Variants in RNF180 observed in about 807,000 individuals in gnomAD.
RNF180 encodes ring finger protein 180.
In RNF180, 38 loss-of-function variants were observed where a neutral mutation model predicts 59.2. The ratio of observed to expected loss-of-function variants is 0.64; its 90% CI spans 0.50 to 0.84. The LOEUF is 0.84. Among genes scored for constraint, RNF180 ranks in the 40% least tolerant of loss-of-function variants. The probability of loss-of-function intolerance (pLI) is 0.00; values close to 1 mark genes in which losing one functional copy is unlikely to be tolerated. For missense variants in RNF180, 705 were observed against 700.9 expected (o/e 1.01, Z -0.07); for synonymous variants, 262 against 240.3 (o/e 1.09, Z -0.84).
At chr5:64,229,586 A>ACTG (rs994773986) in intron 5 of RNF180, among the ~76,000 whole-genome samples, 1 of 152,236 alleles carries the variant, frequency 6.6e-6, no homozygotes, top group Non-Finnish European at 1.5e-5. Context: ...CTTTTGCTAA[A>ACTG]CTGCTTTTCA....
At chr5:64,266,302 G>A (rs1190667366) in intron 5 of RNF180, among the ~76,000 whole-genome samples, 1 of 152,128 alleles carries the variant, frequency 6.6e-6, no homozygotes, top group Non-Finnish European at 1.5e-5. Context: ...TTCTATGAGG[G>A]TTGCCAAGGA....
chr5:64,346,485 T>G (rs1745567529), intron 7 of RNF180, among the ~76,000 whole-genome samples: 1 of 145,390 alleles, frequency 6.9e-6, no homozygotes, highest in Admixed American at 7.1e-5. Context: ...TTCTCCTGCC[T>G]CAGGCTCCCA....
intron 5 of RNF180, among the ~76,000 whole-genome samples, chr5:64,303,262 A>G (rs1743252155): frequency 6.6e-6 from 1 of 151,502 alleles, no homozygotes; most frequent in South Asian, 2.1e-4. Context: ...AGACACAATA[A>G]TATGTAATTT....
chr5:64,215,928 T>C (rs1752597405), intron 4 of RNF180, among the ~76,000 whole-genome samples: 1 of 152,190 alleles, frequency 6.6e-6, no homozygotes, highest in Admixed American at 6.5e-5. Context: ...TGATTGATCA[T>C]TTTCCATCAT....
At chr5:64,224,103 G>GTGTGTACA (rs1289450269) in intron 5 of RNF180, among the ~76,000 whole-genome samples, 1 of 147,124 alleles carries the variant, frequency 6.8e-6, no homozygotes, top group Non-Finnish European at 1.5e-5. Flanking sequence ...GTGTGTGTGT[G>GTGTGTACA]TACATACATA....
chr5:64,276,087 A>C (rs1036398910), intron 5 of RNF180, among the ~76,000 whole-genome samples: 1 of 152,094 alleles, frequency 6.6e-6, no homozygotes, highest in African/African-American at 2.4e-5. Context: ...TTTGTCTACT[A>C]TGTGTTGAGC....
At position 64,214,179 on chromosome 5, in the gene RNF180, A is replaced by T; in HGVS notation, c.853A>T (p.Ser285Cys). The T allele has an allele frequency of 1.2e-6, 2 of 1,614,106 alleles. No homozygotes were observed. Among genetic ancestry groups the T allele is most frequent in the South Asian group, 2.2e-5 (2 of 91,078 alleles). The change falls in exon 4 of 8, where the codon AGT becomes TGT. Residue 285 changes from serine to cysteine, a missense_variant. Coordinates refer to ENST00000389100, the MANE Select transcript of RNF180 (RefSeq NM_001113561.2). ...KNSYSFQNPS[S>C]FDPSMLLQRF... ...TAGCTATTCCTTTCAGAATCCATCCAGTTTTGATCCTAGTATGCTGCTGCA... is the reference window on the plus strand; with the variant it reads ...TAGCTATTCCTTTCAGAATCCATCCTGTTTTGATCCTAGTATGCTGCTGCA...
At chr5:64,184,416 A>G (rs1326363087) in intron 1 of RNF180, among the ~76,000 whole-genome samples, 1 of 152,080 alleles carries the variant, frequency 6.6e-6, no homozygotes, top group Non-Finnish European at 1.5e-5. Flanking sequence ...GGTTTTGTCT[A>G]GATCCATTAT....
At chr5:64,240,471 T>C (rs185562209) in intron 5 of RNF180, among the ~76,000 whole-genome samples, 1 of 152,336 alleles carries the variant, frequency 6.6e-6, no homozygotes, top group East Asian at 1.9e-4. Context: ...AAATCATTAC[T>C]AAACTTTGTT....
chr5:64,263,651 C>A (rs1580138317), intron 5 of RNF180, among the ~76,000 whole-genome samples: 1 of 152,100 alleles, frequency 6.6e-6, no homozygotes, highest in Non-Finnish European at 1.5e-5. Flanking sequence ...TAATTCATGA[C>A]AAAACATCAT....
At chr5:64,192,820 C>T (rs1393226620) in intron 1 of RNF180, among the ~76,000 whole-genome samples, 1 of 149,090 alleles carries the variant, frequency 6.7e-6, no homozygotes, top group East Asian at 2.0e-4. Flanking sequence ...ATGTTCATTT[C>T]AGCATTATTC....
chr5:64,318,112 A>T (rs1456022052), intron 5 of RNF180, among the ~76,000 whole-genome samples: 1 of 152,216 alleles, frequency 6.6e-6, no homozygotes, highest in Non-Finnish European at 1.5e-5. Context: ...CATCTGTGTT[A>T]TGTGTACTGT....
At chr5:64,188,058 A>G (rs1328588823) in intron 1 of RNF180, among the ~76,000 whole-genome samples, 1 of 152,178 alleles carries the variant, frequency 6.6e-6, no homozygotes, top group Non-Finnish European at 1.5e-5. Context: ...AAGAAGATTC[A>G]ATATCAGTAG....
At position 64,273,603 on chromosome 5, in the gene RNF180, A is replaced by G. The variant is rs116697736; in HGVS notation, c.1228-51583A>G. Reference sequence around the variant, plus strand: ...GATATTTGAAAAAAGAGGTCAAGAAAGATAAAAACTGAAAAATATCTGTTG... The same window carrying G: ...GATATTTGAAAAAAGAGGTCAAGAAGGATAAAAACTGAAAAATATCTGTTG... On this transcript the variant is annotated intron_variant, in intron 5 of 7. Transcript: ENST00000389100. Among the ~76,000 whole-genome samples, 524 of 152,142 alleles carry G rather than the reference A, an allele frequency of 3.4e-3. 2 individuals are homozygous for G. The highest frequency in any genetic ancestry group is 0.011 in the African/African-American group (476 of 41,546).
chr5:64,222,491 C>T (rs1473066281), intron 5 of RNF180, among the ~76,000 whole-genome samples: 2 of 152,138 alleles, frequency 1.3e-5, no homozygotes, highest in East Asian at 1.9e-4. Context: ...CAAGAGTTCT[C>T]GCCCCATGGA....
intron 5 of RNF180, among the ~76,000 whole-genome samples, chr5:64,236,390 A>C (rs914755536): frequency 3.9e-5 from 6 of 152,244 alleles, no homozygotes; most frequent in African/African-American, 1.4e-4. Flanking sequence ...CAAAGCATTC[A>C]AGAGGTGACC....
intron 5 of RNF180, among the ~76,000 whole-genome samples, chr5:64,232,032 T>C (rs1021105121): frequency 6.6e-6 from 1 of 152,222 alleles, no homozygotes; most frequent in Non-Finnish European, 1.5e-5. Flanking sequence ...CAAAAGTCTT[T>C]GACTGCTTGA....
intron 1 of RNF180, among the ~76,000 whole-genome samples, chr5:64,177,914 G>A (rs1274105204): frequency 6.6e-6 from 1 of 152,000 alleles, no homozygotes; most frequent in Non-Finnish European, 1.5e-5. Flanking sequence ...ATGTAGAAAA[G>A]GCTGCCTGGG....
chr5:64,301,397 A>G (rs1743153642), intron 5 of RNF180, among the ~76,000 whole-genome samples: 1 of 151,712 alleles, frequency 6.6e-6, no homozygotes, highest in Admixed American at 6.6e-5. Context: ...CTTACTTTCA[A>G]TGTTTTTATA....
Sources: allele counts gnomAD v4.1 joint callset (sites outside exome capture counted in the v4.1 genomes callset), GRCh38; gene constraint gnomAD v4.1.1; transcripts MANE v1.5; gene names NCBI Gene and HGNC (gene_info 2026-07-23, HGNC 2026-07-21).